TOPAZ1: variants seen among roughly 807,000 people sequenced by gnomAD.
TOPAZ1 encodes the protein testis and ovary specific TOPAZ 1, also known as protein TOPAZ1.
In TOPAZ1, 66 loss-of-function variants were observed where a neutral mutation model predicts 172.2. The observed-to-expected ratio is 0.38, with a 90% confidence interval of 0.31 to 0.47. TOPAZ1 has a LOEUF of 0.47. Ranked by LOEUF, TOPAZ1 falls within the 20% of genes least tolerant of loss-of-function variation. The probability of loss-of-function intolerance (pLI) is 0.99; values close to 1 mark genes in which losing one functional copy is unlikely to be tolerated. For missense variants in TOPAZ1, 1,822 were observed against 1,972.4 expected, an observed-to-expected ratio of 0.92 and a Z score of 1.44; for synonymous variants, 681 against 683.9, an observed-to-expected ratio of 1.00 and a Z score of 0.07.
chr3:44,319,721 C>T (rs977508834), intron 16 of TOPAZ1, among the ~76,000 whole-genome samples: 1 of 152,182 alleles, frequency 6.6e-6, no homozygotes, highest in African/African-American at 2.4e-5. Context: ...ACATTCCTAA[C>T]ACATAGTATA....
chr3:44,255,176 G>T, intron 3 of TOPAZ1, 147 bp downstream of exon 3: 1 of 499,658 alleles, frequency 2.0e-6, no homozygotes, highest in Non-Finnish European at 3.5e-6. Context: ...CAATTTTCCT[G>T]TTTTAATTGA....
intron 4 of TOPAZ1, among the ~76,000 whole-genome samples, chr3:44,257,165 C>CA (rs1192700017): frequency 6.6e-6 from 1 of 150,780 alleles, no homozygotes; most frequent in East Asian, 1.9e-4. Flanking sequence ...CTTGTCTCTA[C>CA]AAAAAAAAAT....
intron 12 of TOPAZ1, among the ~76,000 whole-genome samples, chr3:44,297,644 G>A (rs991805212): frequency 6.6e-6 from 1 of 151,964 alleles, no homozygotes; most frequent in Non-Finnish European, 1.5e-5. Flanking sequence ...CCAGTGTAAG[G>A]CAAGAAATGG....
intron 2 of TOPAZ1, among the ~76,000 whole-genome samples, chr3:44,251,861 A>G (rs1445553632): frequency 4.6e-5 from 7 of 151,746 alleles, no homozygotes; most frequent in Admixed American, 6.6e-5. Flanking sequence ...TCTTCCCTTC[A>G]TTTTTCCCTT....
intron 4 of TOPAZ1, among the ~76,000 whole-genome samples, chr3:44,257,096 A>T (rs1699712739): frequency 2.0e-5 from 3 of 152,044 alleles, no homozygotes; most frequent in African/African-American, 7.2e-5. Context: ...TGGGAGGCTG[A>T]GGTGGGAGGA....
rs548661389 is a variant in TOPAZ1, at chr3:44,248,107, T to A, written c.2765+2836T>A. Among the ~76,000 whole-genome samples the A allele has an allele frequency of 1.4e-4, 22 of 152,328 alleles. No individual in the cohort carries two copies. The South Asian group carries it at 4.6e-3, about 32-fold the overall frequency. ...CTGTGTGTAAAATTCTTAGTTTACA[T>A]ATTTCCCCCTCACAATTATATAGAC... On this transcript the variant is annotated intron_variant, in intron 2 of 19. Coordinates refer to ENST00000309765, the MANE Select transcript of TOPAZ1 (RefSeq NM_001145030.2).
At chr3:44,262,714 A>G (rs888006000) in intron 5 of TOPAZ1, among the ~76,000 whole-genome samples, 1 of 152,222 alleles carries the variant, frequency 6.6e-6, no homozygotes, top group East Asian at 1.9e-4. Flanking sequence ...TTGAGGAAAG[A>G]TAAGGAGTAG....
At position 44,329,152 on chromosome 3, in the gene TOPAZ1, T is replaced by C. The variant is rs1200621005; in HGVS notation, c.4859+719T>C. The stretch of plus-strand genomic sequence containing the variant: ...ATATTACATTAGTTATCTGTTGCTA[T>C]AGAATAAATTATCCCTGGACCTAAT... On this transcript the variant is annotated intron_variant, in intron 19 of 19. Transcript: ENST00000309765. Among the ~76,000 whole-genome samples, 3 of 152,224 alleles carry C rather than the reference T, an allele frequency of 2.0e-5. No homozygotes were observed. In the South Asian group the frequency reaches 6.2e-4, roughly 32 times the overall value.
At position 44,287,728 on chromosome 3, in the gene TOPAZ1, A is replaced by AT; in HGVS notation, c.3589-12dup. The AT allele has an allele frequency of 1.5e-6, 2 of 1,294,406 alleles. No individual in the cohort carries two copies. Among genetic ancestry groups the AT allele is most frequent in the Middle Eastern group, 2.0e-4 (1 of 4,978 alleles). The allele number at this position is 1,294,406 out of a possible 1,614,324, so 80.2% of individuals were successfully genotyped here. The stretch of plus-strand genomic sequence containing the variant: ...AAAAGAAGATCTGAAAATGAGTGTA[A>AT]TTTTTTTGTTTTATCCAGCCTTCTC... On this transcript the variant is annotated intron_variant, in intron 10 of 19. Transcript: ENST00000309765.
At chr3:44,309,742 A>G in intron 15 of TOPAZ1, 83 bp from the exon 16 acceptor site, 1 of 1,008,524 alleles carries the variant, frequency 9.9e-7, no homozygotes, top group Non-Finnish European at 1.4e-6. Context: ...CAAACTGGAT[A>G]CTTGGCTTGT....
intron 4 of TOPAZ1, among the ~76,000 whole-genome samples, chr3:44,260,020 G>C (rs530675366): frequency 1.8e-3 from 279 of 152,272 alleles, no homozygotes; most frequent in African/African-American, 6.4e-3. Flanking sequence ...ATGATAGTGA[G>C]TTCTCATGAA....
intron 2 of TOPAZ1, among the ~76,000 whole-genome samples, chr3:44,250,755 C>T (rs887610183): frequency 2.6e-5 from 4 of 152,186 alleles, no homozygotes; most frequent in African/African-American, 9.7e-5. Flanking sequence ...ATCTCTGCTT[C>T]CTCTTTAAAG....
At chr3:44,328,478 CT>C in intron 19 of TOPAZ1, 45 bp downstream of exon 19, 2 of 1,088,138 alleles carry the variant, frequency 1.8e-6, no homozygotes, top group Non-Finnish European at 2.6e-6. Flanking sequence ...TAGATCATGA[CT>C]CCCCACACCC....
In TOPAZ1 at chr3:44,243,257, G is replaced by A. The variant is rs1575701845; in HGVS notation, c.751G>A (p.Gly251Arg). Residue 251 changes from glycine (G) to arginine (R), a missense_variant, in exon 2 of 20, where the codon GGA becomes AGA. Physicochemically the swap from Gly to Arg is moderately radical, Grantham distance 125. Around this residue, in one of 2 missense-constraint regions of TOPAZ1, gnomAD observed 1,489 missense variants for 1,490.8 expected, o/e 1.00. Transcript: ENST00000309765. ...CAACCTGCCATATAAACCTGATGGT[G>A]GATGTATGCATGTAGCAGAAAATTT... ...ENNLPYKPDG[G>R]CMHVAENFSK... The A allele has an allele frequency of 1.3e-6, 2 of 1,551,492 alleles. 1 individual carries two copies. Among genetic ancestry groups the A allele is most frequent in the Non-Finnish European group, 1.7e-6 (2 of 1,146,936 alleles).
intron 16 of TOPAZ1, among the ~76,000 whole-genome samples, chr3:44,318,321 A>C (rs941165489): frequency 2.0e-5 from 3 of 152,082 alleles, no homozygotes; most frequent in Non-Finnish European, 4.4e-5. Flanking sequence ...GCGTGGTGGC[A>C]GGCACGTGTA....
intron 14 of TOPAZ1, 65 bp from the exon 15 acceptor site, chr3:44,306,260 AG>A: frequency 9.9e-7 from 1 of 1,013,566 alleles, no homozygotes. Context: ...ATTCTGTATT[AG>A]TTTGCCTCTT....
chr3:44,312,782 C>G (rs1700409912), intron 16 of TOPAZ1, among the ~76,000 whole-genome samples: 3 of 152,108 alleles, frequency 2.0e-5, no homozygotes, highest in Admixed American at 2.0e-4. Context: ...TCTTAGTTCT[C>G]TATAATCAAA....
chr3:44,318,813 A>G (rs890411312), intron 16 of TOPAZ1, among the ~76,000 whole-genome samples: 2 of 147,734 alleles, frequency 1.4e-5, no homozygotes, highest in Non-Finnish European at 3.0e-5. Flanking sequence ...TTTTATTTAT[A>G]TATAATATAT....
chr3:44,303,334 T>A (rs1700297171), intron 12 of TOPAZ1, among the ~76,000 whole-genome samples: 1 of 152,140 alleles, frequency 6.6e-6, no homozygotes, highest in African/African-American at 2.4e-5. Flanking sequence ...TTTTTTTAAA[T>A]TTTCTTCTGA....
Sources: allele counts gnomAD v4.1 joint callset (sites outside exome capture counted in the v4.1 genomes callset), GRCh38; gene constraint gnomAD v4.1.1; regional missense constraint gnomAD v4.1.1; transcripts MANE v1.5; gene names NCBI Gene and HGNC (gene_info 2026-07-23, HGNC 2026-07-21).